The following ANKS1B variants were observed in gnomAD, a reference collection of about 807,000 sequenced individuals.
ANKS1B encodes the protein ankyrin repeat and sterile alpha motif domain containing 1B.
A neutral mutation model predicts 148.3 loss-of-function variants in ANKS1B; 36 were observed. That is an observed-to-expected ratio of 0.24 (90% confidence interval 0.19 to 0.32). The LOEUF is 0.32. Ranked by LOEUF, ANKS1B falls within the 10% of genes least tolerant of loss-of-function variation. The pLI, the probability that ANKS1B is intolerant of heterozygous loss-of-function variation, is 1.00. For missense variants in ANKS1B, 1,157 were observed against 1,542.6 expected (o/e 0.75, Z 4.19); for synonymous variants, 542 against 560.8 (o/e 0.97, Z 0.47).
intron 17 of ANKS1B, among the ~76,000 whole-genome samples, chr12:99,040,533 A>G (rs1180677490): frequency 6.6e-6 from 1 of 152,134 alleles, no homozygotes; most frequent in African/African-American, 2.4e-5. Flanking sequence ...AGCCTAGTGT[A>G]CCGCCTTTCA....
At chr12:99,367,553 C>T (rs2092838026) in intron 12 of ANKS1B, among the ~76,000 whole-genome samples, 1 of 152,088 alleles carries the variant, frequency 6.6e-6, no homozygotes, top group Non-Finnish European at 1.5e-5. Context: ...AGAGAGAGTT[C>T]CAGGAGAACA....
chr12:98,976,687 T>C (rs892552093), intron 17 of ANKS1B: 1 of 152,162 alleles, frequency 6.6e-6, no homozygotes, highest in Non-Finnish European at 1.5e-5. Context: ...ATAGTCTATG[T>C]AAGTGCCATA....
chr12:99,294,767 C>T (rs1310514712), intron 12 of ANKS1B, among the ~76,000 whole-genome samples: 2 of 152,048 alleles, frequency 1.3e-5, no homozygotes, highest in Non-Finnish European at 2.9e-5. Flanking sequence ...AATTCTCCTG[C>T]TTCGGTCTCC....
At chr12:99,323,773 C>T (rs1269732727) in intron 12 of ANKS1B, among the ~76,000 whole-genome samples, 1 of 152,036 alleles carries the variant, frequency 6.6e-6, no homozygotes, top group Non-Finnish European at 1.5e-5. Flanking sequence ...GACTGTGTCC[C>T]TACAAAAGTA....
At chr12:99,012,848 T>TA (rs2099940245) in intron 17 of ANKS1B, among the ~76,000 whole-genome samples, 1 of 152,196 alleles carries the variant, frequency 6.6e-6, no homozygotes, top group South Asian at 2.1e-4. Flanking sequence ...GAGACTCTGT[T>TA]AAGTATCAAT....
chr12:99,658,815 G>A (rs895937254), intron 8 of ANKS1B, among the ~76,000 whole-genome samples: 4 of 152,118 alleles, frequency 2.6e-5, no homozygotes, highest in African/African-American at 9.7e-5. Context: ...AAAGAGTTGT[G>A]TACACACACA....
intron 17 of ANKS1B, among the ~76,000 whole-genome samples, chr12:98,928,054 G>GA (rs1426196464): frequency 3.5e-5 from 5 of 143,944 alleles, no homozygotes; most frequent in Admixed American, 6.9e-5. Context: ...GACTGACCAA[G>GA]AAAAAAAAAA....
intron 8 of ANKS1B, among the ~76,000 whole-genome samples, chr12:99,680,050 CA>C (rs1362737322): frequency 2.6e-5 from 4 of 152,228 alleles, no homozygotes; most frequent in Admixed American, 6.5e-5. Context: ...TCCAAACACA[CA>C]TCCTCCTTGG....
intron 17 of ANKS1B, among the ~76,000 whole-genome samples, chr12:99,006,843 T>C (rs544384674): frequency 6.6e-6 from 1 of 152,316 alleles, no homozygotes; most frequent in African/African-American, 2.4e-5. Context: ...TTAGTATGCA[T>C]ACCATTATTC....
Position 99,773,080 on chromosome 12 carries a change from C to G in ANKS1B, c.970G>C (p.Val324Leu), listed in dbSNP as rs368111577. Residue 324 changes from valine (V) to leucine (L), a missense_variant, in exon 8 of 27, where the codon GTC becomes CTC. By Grantham distance (32) the Val-to-Leu change is conservative (BLOSUM62 1). Transcript: ENST00000683438. Reference sequence around the variant, plus strand: ...AAGAGTTTTGATAATTCTCCAGTGACGGTTTCACCTATGAGAATAATTTTT... The same window carrying G: ...AAGAGTTTTGATAATTCTCCAGTGAGGGTTTCACCTATGAGAATAATTTTT... Reference protein sequence around the residue: ...SPSQKTKSETVTGELSKLLDE... With the variant: ...SPSQKTKSETLTGELSKLLDE... 80 of 1,600,270 alleles carry G rather than the reference C, an allele frequency of 5.0e-5. No homozygotes were observed. Among genetic ancestry groups the G allele is most frequent in the Non-Finnish European group, 6.6e-5 (78 of 1,174,008 alleles).
chr12:99,330,478 C>T (rs190429245), intron 12 of ANKS1B, among the ~76,000 whole-genome samples: 3 of 152,040 alleles, frequency 2.0e-5, no homozygotes, highest in African/African-American at 7.2e-5. Context: ...GGAACCAATC[C>T]AGCTCTGAAA....
chr12:98,752,978 C>T (rs3847879), intron 25 of ANKS1B, among the ~76,000 whole-genome samples: 46,165 of 151,934 alleles, frequency 0.3, 7,526 homozygotes, highest in African/African-American at 0.43. Flanking sequence ...GGCTCACAGT[C>T]GCAGCAGTGA....
At chr12:99,459,920 C>A (rs192468125) in intron 10 of ANKS1B, among the ~76,000 whole-genome samples, 2 of 151,916 alleles carry the variant, frequency 1.3e-5, no homozygotes, top group South Asian at 2.1e-4. Context: ...AAAATTCATA[C>A]GGACCCCAAA....
chr12:99,677,350 GT>G (rs150012877), intron 8 of ANKS1B, among the ~76,000 whole-genome samples: 8 of 145,138 alleles, frequency 5.5e-5, no homozygotes, highest in Non-Finnish European at 1.2e-4. Context: ...TTATTTTTTT[GT>G]TTTTTTTCCT....
chr12:99,815,667 C>T (rs1349820583), intron 2 of ANKS1B, among the ~76,000 whole-genome samples: 1 of 151,592 alleles, frequency 6.6e-6, no homozygotes, highest in African/African-American at 2.4e-5. Context: ...CACCAGTCCC[C>T]ACAGTCCATT....
intron 17 of ANKS1B, among the ~76,000 whole-genome samples, chr12:98,947,494 A>C (rs1379742512): frequency 6.6e-6 from 1 of 152,176 alleles, no homozygotes; most frequent in Non-Finnish European, 1.5e-5. Flanking sequence ...AAAGCAACCT[A>C]AATCATTAAC....
At chr12:99,116,933 T>A (rs2061560499) in intron 15 of ANKS1B, among the ~76,000 whole-genome samples, 2 of 152,196 alleles carry the variant, frequency 1.3e-5, no homozygotes, top group Non-Finnish European at 2.9e-5. Context: ...GTAACTTATA[T>A]TCCTAGATAT....
At chr12:99,803,276 C>CCA (rs1265328174) in intron 4 of ANKS1B, among the ~76,000 whole-genome samples, 9 of 2,530 alleles carry the variant, frequency 3.6e-3, no homozygotes, top group East Asian at 0.028. Flanking sequence ...TAAATATTCA[C>CCA]CCCCCCCCAA....
chr12:99,241,275 C>A (rs566255886), intron 14 of ANKS1B, among the ~76,000 whole-genome samples: 1 of 152,256 alleles, frequency 6.6e-6, no homozygotes, highest in African/African-American at 2.4e-5. Flanking sequence ...AACACCTCTA[C>A]GCAAATGAAG....
Sources: allele counts gnomAD v4.1 joint callset (sites outside exome capture counted in the v4.1 genomes callset), GRCh38; gene constraint gnomAD v4.1.1; transcripts MANE v1.5; gene names NCBI Gene and HGNC (gene_info 2026-07-23, HGNC 2026-07-21).